The following GALNT17 variants were observed in gnomAD, a reference collection of about 807,000 sequenced individuals.
GALNT17 encodes the protein polypeptide N-acetylgalactosaminyltransferase 17, also known as UDP-GalNAc:polypeptide N-acetylgalactosaminyltransferase-like 3.
In GALNT17, 29 loss-of-function variants were observed where a neutral mutation model predicts 63.7. The observed-to-expected ratio is 0.46, with a 90% CI of 0.34 to 0.62. The LOEUF (loss-of-function observed/expected upper bound fraction) is 0.62, where lower values mean the gene tolerates loss of function less well. Among genes scored for constraint, GALNT17 ranks in the 20% least tolerant of loss-of-function variants. GALNT17 has a pLI of 0.01. For synonymous variants in GALNT17, 305 were observed against 318.3 expected (o/e 0.96, Z 0.45); for missense variants, 603 against 799.6 (o/e 0.75, Z 2.97).
chr7:71,184,912 AACCC>A (rs1370758176), intron 1 of GALNT17, among the ~76,000 whole-genome samples: 4 of 134,166 alleles, frequency 3.0e-5, no homozygotes, highest in East Asian at 5.0e-4. Flanking sequence ...GGCATTCTCT[AACCC>A]ACCCTCCCTC....
chr7:71,329,262 C>CTG (rs1791759590), intron 1 of GALNT17, among the ~76,000 whole-genome samples: 1 of 151,938 alleles, frequency 6.6e-6, no homozygotes, highest in Non-Finnish European at 1.5e-5. Context: ...TTAGCAAGTA[C>CTG]TGGGGAAGGG....
At chr7:71,643,222 A>C (rs762190095) in intron 6 of GALNT17, among the ~76,000 whole-genome samples, 2 of 152,116 alleles carry the variant, frequency 1.3e-5, no homozygotes, top group Non-Finnish European at 1.5e-5. Flanking sequence ...TAATCCCAGC[A>C]CTTTGAGAGG....
intron 2 of GALNT17, among the ~76,000 whole-genome samples, chr7:71,342,648 A>T (rs1792026015): frequency 6.6e-6 from 1 of 152,242 alleles, no homozygotes; most frequent in South Asian, 2.1e-4. Flanking sequence ...TATTGATTTA[A>T]ACACAAATTA....
At chr7:71,338,259 G>A (rs1194279812) in intron 2 of GALNT17, among the ~76,000 whole-genome samples, 12 of 151,832 alleles carry the variant, frequency 7.9e-5, no homozygotes, top group African/African-American at 1.5e-4. Context: ...CCCGGGAGGC[G>A]GAGGTTACAG....
At chr7:71,656,367 G>C (rs78880076) in intron 6 of GALNT17, among the ~76,000 whole-genome samples, 13,174 of 152,190 alleles carry the variant, frequency 0.087, 689 homozygotes, top group Middle Eastern at 0.15. Context: ...CTAGGCAGAT[G>C]GGGGAGGAGT....
chr7:71,209,008 G>A (rs984728314), intron 1 of GALNT17, among the ~76,000 whole-genome samples: 2 of 152,190 alleles, frequency 1.3e-5, no homozygotes, highest in Non-Finnish European at 2.9e-5. Flanking sequence ...GGGCCATATG[G>A]TCTCTGTCAT....
chr7:71,155,885 G>A (rs1788226343), intron 1 of GALNT17, among the ~76,000 whole-genome samples: 1 of 151,752 alleles, frequency 6.6e-6, no homozygotes, highest in Non-Finnish European at 1.5e-5. Flanking sequence ...CACTTTTCCT[G>A]GAGTGAGAAC....
At chr7:71,515,472 C>A (rs1788430101) in intron 5 of GALNT17, among the ~76,000 whole-genome samples, 1 of 152,150 alleles carries the variant, frequency 6.6e-6, no homozygotes, top group African/African-American at 2.4e-5. Context: ...CCTGAGTGGG[C>A]TTTGTGGTCA....
chr7:71,535,258 G>C (rs1788785527), intron 5 of GALNT17, among the ~76,000 whole-genome samples: 2 of 152,146 alleles, frequency 1.3e-5, no homozygotes, highest in African/African-American at 4.8e-5. Context: ...TCTAGCAATA[G>C]GTTGCCTGAA....
At chr7:71,545,204 T>C (rs1377030665) in intron 5 of GALNT17, among the ~76,000 whole-genome samples, 2 of 152,226 alleles carry the variant, frequency 1.3e-5, no homozygotes, top group African/African-American at 2.4e-5. Context: ...CTTGCTGTGT[T>C]GTAAGCTCTA....
chr7:71,154,762 G>A (rs1458130154), intron 1 of GALNT17, among the ~76,000 whole-genome samples: 2 of 149,422 alleles, frequency 1.3e-5, no homozygotes, highest in African/African-American at 5.1e-5. Context: ...ATTTTTAGTA[G>A]AGATGGGGTT....
At chr7:71,596,500 G>C (rs1789889158) in intron 6 of GALNT17, among the ~76,000 whole-genome samples, 1 of 152,052 alleles carries the variant, frequency 6.6e-6, no homozygotes, top group South Asian at 2.1e-4. Flanking sequence ...TACAGGTGTA[G>C]GAACTGCCTT....
At chr7:71,208,939 G>A (rs2116387436) in intron 1 of GALNT17, among the ~76,000 whole-genome samples, 1 of 152,214 alleles carries the variant, frequency 6.6e-6, no homozygotes, top group African/African-American at 2.4e-5. Context: ...AATTGATTAG[G>A]TTAGGGGTTG....
chr7:71,551,670 T>C (rs1789077326), intron 5 of GALNT17, among the ~76,000 whole-genome samples: 1 of 151,332 alleles, frequency 6.6e-6, no homozygotes, highest in African/African-American at 2.4e-5. Flanking sequence ...GGAAGGCTAA[T>C]GCACTGGAGC....
intron 6 of GALNT17, among the ~76,000 whole-genome samples, chr7:71,646,513 C>G (rs561841590): frequency 6.6e-6 from 1 of 152,254 alleles, no homozygotes; most frequent in South Asian, 2.1e-4. Context: ...TTTTCTCACT[C>G]TCTATTCTCT....
intron 5 of GALNT17, among the ~76,000 whole-genome samples, chr7:71,435,268 T>C (rs1466218985): frequency 6.6e-6 from 1 of 152,198 alleles, no homozygotes; most frequent in Non-Finnish European, 1.5e-5. Context: ...TGACTCCATC[T>C]TCCTTCTAAC....
At chr7:71,426,755 A>C (rs1200487925) in intron 5 of GALNT17, among the ~76,000 whole-genome samples, 1 of 152,168 alleles carries the variant, frequency 6.6e-6, no homozygotes, top group African/African-American at 2.4e-5. Context: ...CCCTGTCTCT[A>C]CTAAAAATAC....
intron 2 of GALNT17, among the ~76,000 whole-genome samples, chr7:71,353,263 A>T (rs765659285): frequency 4.6e-5 from 7 of 152,116 alleles, no homozygotes; most frequent in Non-Finnish European, 8.8e-5. Flanking sequence ...CTCCATGTGT[A>T]TATCTATTTT....
chr7:71,284,465 G>C (rs1052257604), intron 1 of GALNT17: 4 of 152,116 alleles, frequency 2.6e-5, no homozygotes, highest in Non-Finnish European at 5.9e-5. Context: ...CAAAGTGCTG[G>C]GATTACAGGC....
Sources: allele counts gnomAD v4.1 joint callset (sites outside exome capture counted in the v4.1 genomes callset), GRCh38; gene constraint gnomAD v4.1.1; transcripts MANE v1.5; gene names NCBI Gene and HGNC (gene_info 2026-07-23, HGNC 2026-07-21).